The following OR2L13 variants were observed in gnomAD, a reference collection of about 807,000 sequenced individuals.
OR2L13 encodes the protein olfactory receptor family 2 subfamily L member 13, also known as olfactory receptor 2L13.
Under a neutral mutation model 15.3 loss-of-function variants are expected in OR2L13, and 14 were observed. That is an observed-to-expected ratio of 0.91 (90% confidence interval 0.60 to 1.43). The LOEUF is 1.43. OR2L13 is among the 40% of genes most tolerant of loss of function. OR2L13 has a pLI of 0.00. For synonymous variants in OR2L13, 152 were observed against 142.9 expected, an observed-to-expected ratio of 1.06 and a Z score of -0.45; for missense variants, 367 against 387.9, an observed-to-expected ratio of 0.95 and a Z score of 0.45.
the OR2L13 span, among the ~76,000 whole-genome samples, chr1:247,994,384 G>A: frequency 0.11 from 16,961 of 152,012 alleles, 1,347 homozygotes; most frequent in African/African-American, 0.22. Flanking sequence ...GCGACAGAGC[G>A]AGACTCCATC....
chr1:247,938,433 A>G, the OR2L13 span, among the ~76,000 whole-genome samples: 1 of 152,232 alleles, frequency 6.6e-6, no homozygotes, highest in African/African-American at 2.4e-5. Context: ...ATAGCAAGAT[A>G]TTATTGTAAG....
the OR2L13 span, among the ~76,000 whole-genome samples, chr1:248,032,926 G>T: frequency 3.3e-5 from 5 of 151,992 alleles, no homozygotes; most frequent in South Asian, 2.1e-4. Context: ...CTATACAGAT[G>T]GTCCAGAAAC....
At chr1:247,958,857 C>T in the OR2L13 span, among the ~76,000 whole-genome samples, 1 of 152,022 alleles carries the variant, frequency 6.6e-6, no homozygotes, top group Admixed American at 6.6e-5. Context: ...AGATGGTTTT[C>T]CTGAATACAG....
chr1:248,038,943 C>T, the OR2L13 span: 35 of 1,613,952 alleles, frequency 2.2e-5, no homozygotes, highest in Middle Eastern at 1.6e-4. Flanking sequence ...TGCTGTCTAC[C>T]GCATGCACTC....
the OR2L13 span, among the ~76,000 whole-genome samples, chr1:248,077,040 G>A: frequency 2.6e-5 from 4 of 152,006 alleles, no homozygotes; most frequent in African/African-American, 7.3e-5. Flanking sequence ...TATTGAGAGT[G>A]TTTAGCATGA....
At chr1:248,084,553 A>T in the OR2L13 span, 2 of 1,612,806 alleles carry the variant, frequency 1.2e-6, no homozygotes, top group Non-Finnish European at 1.7e-6. Context: ...GTGGTTAAAG[A>T]GTCCCAGGAG....
chr1:247,961,066 C>A, the OR2L13 span, among the ~76,000 whole-genome samples: 1 of 152,148 alleles, frequency 6.6e-6, no homozygotes, highest in Admixed American at 6.5e-5. Flanking sequence ...TGTTCCTATT[C>A]GGCCATCTTG....
chr1:247,946,888 G>A, the OR2L13 span, among the ~76,000 whole-genome samples: 1 of 152,242 alleles, frequency 6.6e-6, no homozygotes. Context: ...GAACATGATA[G>A]TTAATATATT....
At chr1:248,038,920 G>A in the OR2L13 span, 1 of 1,614,058 alleles carries the variant, frequency 6.2e-7, no homozygotes, top group South Asian at 1.1e-5. Context: ...TGTTCCTATG[G>A]CCGGGTTCTC....
At chr1:248,017,822 C>T in the OR2L13 span, among the ~76,000 whole-genome samples, 1 of 152,074 alleles carries the variant, frequency 6.6e-6, no homozygotes, top group Non-Finnish European at 1.5e-5. Flanking sequence ...TCTAGGTAAA[C>T]ACAATGTCAT....
chr1:248,018,167 A>AC, the OR2L13 span, among the ~76,000 whole-genome samples: 11 of 151,066 alleles, frequency 7.3e-5, no homozygotes, highest in African/African-American at 2.2e-4. Flanking sequence ...AAATAAAAAA[A>AC]AAAATTCGTT....
At chr1:248,092,227 GATATGT>G (rs1664612722), upstream of OR2L13, among the ~76,000 whole-genome samples, 1 of 152,132 alleles carries the variant, frequency 6.6e-6, no homozygotes, top group Non-Finnish European at 1.5e-5. Flanking sequence ...TATAAAGAGA[GATATGT>G]TGACTTCCTT....
At chr1:247,948,186 C>T in the OR2L13 span, among the ~76,000 whole-genome samples, 8 of 151,920 alleles carry the variant, frequency 5.3e-5, no homozygotes, top group South Asian at 1.7e-3. Flanking sequence ...GCACTCCAGC[C>T]TGGGTAACAG....
At chr1:248,040,875 A>T in the OR2L13 span, 22 of 152,222 alleles carry the variant, frequency 1.4e-4, 1 homozygote, top group Admixed American at 2.6e-4. Context: ...AAACAAGAAC[A>T]TTAACATTTG....
chr1:248,021,935 G>A, the OR2L13 span: 19 of 1,599,362 alleles, frequency 1.2e-5, no homozygotes, highest in Middle Eastern at 1.7e-4. Flanking sequence ...AGGAAGGATC[G>A]TATGAATGCC....
the OR2L13 span, among the ~76,000 whole-genome samples, chr1:248,067,727 G>A: frequency 6.6e-6 from 1 of 152,232 alleles, no homozygotes; most frequent in African/African-American, 2.4e-5. Context: ...GGGTCAGGGA[G>A]TTCCCTTTCC....
the OR2L13 span, among the ~76,000 whole-genome samples, chr1:247,957,746 T>C: frequency 6.6e-6 from 1 of 152,228 alleles, no homozygotes; most frequent in East Asian, 1.9e-4. Flanking sequence ...GTTTGTAGTA[T>C]TCTCTGATGG....
chr1:247,966,952 A>G, the OR2L13 span, among the ~76,000 whole-genome samples: 1 of 152,148 alleles, frequency 6.6e-6, no homozygotes, highest in Admixed American at 6.6e-5. Context: ...AGTAGAAAAG[A>G]GAGTAGGGTG....
chr1:247,991,164 C>CA, the OR2L13 span: 1 of 1,605,872 alleles, frequency 6.2e-7, no homozygotes, highest in Admixed American at 1.7e-5. Flanking sequence ...TGATGGGGGC[C>CA]CTGACACGAG....
Sources: gnomAD v4.1 joint callset for allele counts (sites outside exome capture counted in the v4.1 genomes callset) on GRCh38, gnomAD v4.1.1 for gene constraint, MANE v1.5 for transcripts, NCBI Gene and HGNC (gene_info 2026-07-23, HGNC 2026-07-21) for gene names.